The following USH2A variants were observed in gnomAD, a reference collection of about 807,000 sequenced individuals.
USH2A encodes the protein usherin, also known as Usher syndrome 2A (autosomal recessive, mild).
In USH2A, 443 loss-of-function variants were observed where a neutral mutation model predicts 538.9. The ratio of observed to expected loss-of-function variants is 0.82; its 90% CI spans 0.76 to 0.89. The LOEUF (loss-of-function observed/expected upper bound fraction) is 0.89, where lower values mean the gene tolerates loss of function less well. Among genes scored for constraint, USH2A ranks in the 40% least tolerant of loss-of-function variants. The pLI is 0.00. For synonymous variants in USH2A, 2,413 were observed against 2,273.5 expected (o/e 1.06, Z -1.75); for missense variants, 6,633 against 6,324.8 (o/e 1.05, Z -1.65).
chr1:216,055,538 C>T (rs754560097), intron 30 of USH2A, among the ~76,000 whole-genome samples: 22 of 152,302 alleles, frequency 1.4e-4, no homozygotes, highest in Non-Finnish European at 3.1e-4. Context: ...TGCTTCCTGA[C>T]CACTTAAAGG....
At chr1:216,066,872 G>T (rs1168330764) in intron 30 of USH2A, among the ~76,000 whole-genome samples, 1 of 152,162 alleles carries the variant, frequency 6.6e-6, no homozygotes, top group Non-Finnish European at 1.5e-5. Context: ...CACAGGGAAG[G>T]TATATAGCAG....
chr1:216,081,927 A>G (rs766317056), intron 26 of USH2A, among the ~76,000 whole-genome samples: 2 of 151,318 alleles, frequency 1.3e-5, no homozygotes, highest in African/African-American at 2.4e-5. Flanking sequence ...TTTTAGTAAG[A>G]GTTACTTAAA....
At chr1:216,391,963 C>A (rs2039116782) in intron 3 of USH2A, among the ~76,000 whole-genome samples, 1 of 152,142 alleles carries the variant, frequency 6.6e-6, no homozygotes. Flanking sequence ...TCTCTCTATG[C>A]CTCAGTAGTC....
At chr1:215,627,489 C>CTTCT in intron 71 of USH2A, among the ~76,000 whole-genome samples, 1 of 141,944 alleles carries the variant, frequency 7.0e-6, no homozygotes, top group Non-Finnish European at 1.5e-5. Flanking sequence ...TCCTTCTTTC[C>CTTCT]TTCCTTCCTT....
chr1:215,720,508 G>T (rs558660146), intron 61 of USH2A, among the ~76,000 whole-genome samples: 83 of 152,306 alleles, frequency 5.4e-4, no homozygotes, highest in African/African-American at 1.9e-3. Flanking sequence ...CTTAGTCAAT[G>T]AATTCCAAAG....
chr1:216,112,750 G>A (rs2032905939), intron 21 of USH2A, among the ~76,000 whole-genome samples: 2 of 151,752 alleles, frequency 1.3e-5, no homozygotes, highest in Non-Finnish European at 1.5e-5. Context: ...AACGGTAATG[G>A]CCTCCAGCTC....
intron 32 of USH2A, among the ~76,000 whole-genome samples, chr1:216,015,633 A>G (rs1320422100): frequency 2.6e-5 from 4 of 152,206 alleles, no homozygotes; most frequent in Non-Finnish European, 5.9e-5. Flanking sequence ...CAGTCCCACC[A>G]ACAGTGTAAA....
chr1:216,194,850 C>T (rs1052298428), intron 19 of USH2A, among the ~76,000 whole-genome samples: 2 of 152,094 alleles, frequency 1.3e-5, no homozygotes, highest in South Asian at 2.1e-4. Context: ...ATCCCAGAGG[C>T]GGAAAGGGCT....
At chr1:216,165,526 C>T (rs749063055) in intron 21 of USH2A, among the ~76,000 whole-genome samples, 18 of 152,088 alleles carry the variant, frequency 1.2e-4, no homozygotes, top group Non-Finnish European at 2.1e-4. Context: ...CCAATAGAGA[C>T]TAAACAAATT....
At chr1:216,106,844 T>G (rs1040858959) in intron 21 of USH2A, among the ~76,000 whole-genome samples, 6 of 152,078 alleles carry the variant, frequency 3.9e-5, no homozygotes, top group East Asian at 1.9e-4. Context: ...CATGTTATAC[T>G]TTATTTTTTG....
intron 21 of USH2A, among the ~76,000 whole-genome samples, chr1:216,123,067 G>T (rs995768721): frequency 6.6e-6 from 1 of 152,082 alleles, no homozygotes; most frequent in African/African-American, 2.4e-5. Flanking sequence ...CATTTTATTT[G>T]TTTCTCATGG....
At chr1:215,856,659 G>A (rs1664174577) in intron 44 of USH2A, among the ~76,000 whole-genome samples, 2 of 152,120 alleles carry the variant, frequency 1.3e-5, no homozygotes, top group East Asian at 1.9e-4. Context: ...AGAACTAAAA[G>A]TAGATTTACC....
At chr1:216,214,830 C>T (rs2035312200) in intron 15 of USH2A, among the ~76,000 whole-genome samples, 1 of 151,876 alleles carries the variant, frequency 6.6e-6, no homozygotes, top group African/African-American at 2.4e-5. Flanking sequence ...CAAACACTAT[C>T]AAACAATAAG....
At chr1:216,049,088 C>T (rs556169086) in intron 30 of USH2A, among the ~76,000 whole-genome samples, 2 of 152,214 alleles carry the variant, frequency 1.3e-5, no homozygotes, top group South Asian at 2.1e-4. Flanking sequence ...TATAGGGCAC[C>T]TATTAACACA....
rs887005412 is a variant in USH2A at position 215,946,890 on chromosome 1, G to A, written c.7121-12095C>T. On this transcript the variant is annotated intron_variant, in intron 37 of 71. Coordinates refer to ENST00000307340, the MANE Select transcript of USH2A (RefSeq NM_206933.4). ...ATCTAAATGCAGACTGAATATATCT[G>A]ATAAAAAATCTAAATTGAAATATCC... is the stretch of plus-strand genomic sequence containing the variant. Among the ~76,000 whole-genome samples, 5 of 152,072 alleles carry A rather than the reference G, an allele frequency of 3.3e-5. No individual in the cohort carries two copies. The Middle Eastern group carries it at 0.01, about 310-fold the overall frequency.
intron 4 of USH2A, among the ~76,000 whole-genome samples, chr1:216,359,888 G>C (rs115937918): frequency 0.039 from 5,941 of 152,102 alleles, 176 homozygotes; most frequent in Middle Eastern, 0.11. Context: ...AAACCAACAG[G>C]CCAAAAAGCC....
chr1:216,258,240 G>A (rs2036295921), intron 11 of USH2A, among the ~76,000 whole-genome samples: 1 of 151,978 alleles, frequency 6.6e-6, no homozygotes, highest in Non-Finnish European at 1.5e-5. Flanking sequence ...TTATTAGGTG[G>A]TATTGAAGTA....
At chr1:215,836,566 T>TATA (rs1276826379) in intron 47 of USH2A, among the ~76,000 whole-genome samples, 1 of 24,166 alleles carries the variant, frequency 4.1e-5, no homozygotes, top group Non-Finnish European at 8.2e-5. Context: ...TATATATATA[T>TATA]TTTTTTTTGA....
intron 47 of USH2A, among the ~76,000 whole-genome samples, chr1:215,825,429 C>T (rs1475443376): frequency 6.6e-6 from 1 of 151,454 alleles, no homozygotes; most frequent in Non-Finnish European, 1.5e-5. Flanking sequence ...TTTGATATCA[C>T]TTACCTTTAC....
Sources: gnomAD v4.1 joint callset for allele counts (sites outside exome capture counted in the v4.1 genomes callset) on GRCh38, gnomAD v4.1.1 for gene constraint, MANE v1.5 for transcripts, NCBI Gene and HGNC (gene_info 2026-07-23, HGNC 2026-07-21) for gene names.